Variants in PLPP4 observed in about 807,000 individuals in gnomAD.
PLPP4 encodes the protein diacylglycerol pyrophosphate like 2.
A neutral mutation model predicts 32.2 loss-of-function variants in PLPP4; 20 were observed. That is an observed-to-expected ratio of 0.62 (90% CI 0.44 to 0.90). The LOEUF is 0.90. Ranked by LOEUF, PLPP4 falls within the 40% of genes least tolerant of loss-of-function variation. The pLI is 0.00. For missense variants in PLPP4, 257 were observed against 353.1 expected (o/e 0.73, Z 2.18); for synonymous variants, 127 against 133.0 (o/e 0.95, Z 0.31).
At chr10:120,500,828 T>G (rs1034900676) in intron 1 of PLPP4, among the ~76,000 whole-genome samples, 3 of 152,144 alleles carry the variant, frequency 2.0e-5, no homozygotes, top group Non-Finnish European at 4.4e-5. Flanking sequence ...ACAAACAAGA[T>G]CATTGACCAG....
At chr10:120,502,655 C>G (rs1251012533) in intron 1 of PLPP4, among the ~76,000 whole-genome samples, 3 of 152,176 alleles carry the variant, frequency 2.0e-5, no homozygotes, top group African/African-American at 7.2e-5. Flanking sequence ...ACAGCACATG[C>G]TCATACAACG....
intron 4 of PLPP4, among the ~76,000 whole-genome samples, chr10:120,519,353 T>C (rs1846059939): frequency 6.6e-6 from 1 of 152,096 alleles, no homozygotes; most frequent in Non-Finnish European, 1.5e-5. Context: ...TTTCCTTCTC[T>C]TCTGACTGCT....
Position 120,575,154 on chromosome 10 carries a change from AC to A in PLPP4, c.470del (p.Thr157ArgfsTer34). 1 of 1,613,642 alleles carries A rather than the reference AC, an allele frequency of 6.2e-7. No homozygotes were observed. Among genetic ancestry groups the A allele is most frequent in the African/African-American group, 1.3e-5 (1 of 75,006 alleles). On this transcript the variant is annotated frameshift_variant, in exon 6 of 7. Coordinates refer to ENST00000398250, the MANE Select transcript of PLPP4 (RefSeq NM_001030059.3). LOFTEE classifies it high-confidence loss of function. ...AGTTGCCTTTTCGGGCCTTGGCTTC[AC>A]GACGTTCTACTTGGCGGGCAAGCTG... Reference protein sequence around the residue: ...SSFAFSGLGFTTFYLAGKLHC... With the variant: ...SSFAFSGLGFXTFYLAGKLHC...
chr10:120,482,681 G>T (rs1211813746), intron 1 of PLPP4, among the ~76,000 whole-genome samples: 1 of 151,900 alleles, frequency 6.6e-6, no homozygotes, highest in African/African-American at 2.4e-5. Context: ...GAGGCGGGCA[G>T]ATCACGAGGT....
intron 6 of PLPP4, among the ~76,000 whole-genome samples, chr10:120,584,941 G>A (rs1849685369): frequency 6.6e-6 from 1 of 152,214 alleles, no homozygotes; most frequent in Non-Finnish European, 1.5e-5. Flanking sequence ...TGCTATGTCA[G>A]TAAATCTGGG....
chr10:120,533,483 T>G (rs1009593531), intron 5 of PLPP4, among the ~76,000 whole-genome samples: 1 of 152,182 alleles, frequency 6.6e-6, no homozygotes. Flanking sequence ...TTTACTCTCA[T>G]GATAGTATTG....
chr10:120,494,604 C>T (rs1045736488), intron 1 of PLPP4, among the ~76,000 whole-genome samples: 2 of 152,280 alleles, frequency 1.3e-5, no homozygotes, highest in East Asian at 1.9e-4. Flanking sequence ...GTGGTAATTC[C>T]GGGAGCTGTT....
chr10:120,538,052 C>CTCTCTCTG (rs1847142984), intron 5 of PLPP4, among the ~76,000 whole-genome samples: 1 of 18,994 alleles, frequency 5.3e-5, no homozygotes, highest in African/African-American at 2.5e-4. Flanking sequence ...CTCTCTCTCT[C>CTCTCTCTG]TGTGTGTGTG....
At position 120,521,011 on chromosome 10, in the gene PLPP4, G is replaced by A. The variant is rs781103999; in HGVS notation, c.361G>A (p.Val121Met). The A allele has an allele frequency of 3.0e-5, 48 of 1,614,118 alleles. No individual in the cohort carries two copies. The East Asian group carries it at 3.3e-4, about 11-fold the overall frequency. ...CTTTTACCGCTGCTTTCCAGATGGA[G>A]TGATGAACTCGGAAATGCATTGCAC... ...DFFYRCFPDG[V>M]MNSEMHCTGD... The change falls in exon 5 of 7, where the codon GTG (valine) becomes ATG (methionine). Residue 121 changes from valine (V) to methionine (M), a missense_variant. By Grantham distance (21) the Val-to-Met change is conservative. Coordinates refer to ENST00000398250, the MANE Select transcript of PLPP4 (RefSeq NM_001030059.3).
intron 1 of PLPP4, among the ~76,000 whole-genome samples, chr10:120,464,155 T>C (rs1848207453): frequency 6.6e-6 from 1 of 152,218 alleles, no homozygotes; most frequent in Non-Finnish European, 1.5e-5. Flanking sequence ...AGAAAGTATT[T>C]ATCCATCTTC....
intron 5 of PLPP4, among the ~76,000 whole-genome samples, chr10:120,542,632 G>A (rs569276299): frequency 6.6e-6 from 1 of 152,282 alleles, no homozygotes; most frequent in Non-Finnish European, 1.5e-5. Context: ...CCCCACATGT[G>A]TAAACCTCAG....
At position 120,591,385 on chromosome 10, in the gene PLPP4, C is replaced by CATTG. The variant is rs1424471138; in HGVS notation, c.*1887_*1890dup. Among the ~76,000 whole-genome samples the CATTG allele has an allele frequency of 3.9e-5, 6 of 152,058 alleles. No individual in the cohort carries two copies. The highest frequency in any genetic ancestry group is 1.4e-4 in the African/African-American group (6 of 41,382). ...AATTGACTTTCATCCAAAGTCAAGCCATTGATTTTTTAAAAATTATAGCAG... is the reference window on the plus strand; with the variant it reads ...AATTGACTTTCATCCAAAGTCAAGCCATTGATTGATTTTTTAAAAATTATAGCAG... On this transcript the variant is annotated 3_prime_UTR_variant, in exon 7 of 7. Transcript: ENST00000398250.
At chr10:120,525,480 C>A (rs562919340) in intron 5 of PLPP4, among the ~76,000 whole-genome samples, 2 of 152,094 alleles carry the variant, frequency 1.3e-5, no homozygotes, top group African/African-American at 2.4e-5. Context: ...GAGTTCTTTC[C>A]GTTAGGTATG....
At chr10:120,585,871 C>G (rs959953570) in intron 6 of PLPP4, among the ~76,000 whole-genome samples, 2 of 152,178 alleles carry the variant, frequency 1.3e-5, no homozygotes, top group African/African-American at 4.8e-5. Context: ...CTGCTGTCCT[C>G]CAATCCCCCC....
intron 6 of PLPP4, among the ~76,000 whole-genome samples, chr10:120,587,905 C>T (rs752142998): frequency 3.9e-5 from 6 of 152,224 alleles, no homozygotes; most frequent in African/African-American, 1.4e-4. Flanking sequence ...TTGCCTCCTA[C>T]CTGAATGCAG....
intron 2 of PLPP4, among the ~76,000 whole-genome samples, chr10:120,509,962 G>C (rs1845660269): frequency 6.6e-6 from 1 of 152,230 alleles, no homozygotes; most frequent in Non-Finnish European, 1.5e-5. Context: ...GCCTAATTTA[G>C]ATGGTCTGGG....
intron 6 of PLPP4, among the ~76,000 whole-genome samples, chr10:120,586,280 C>T (rs1281268379): frequency 6.0e-5 from 9 of 149,686 alleles, no homozygotes; most frequent in Admixed American, 5.4e-4. Flanking sequence ...GATTAAGGCA[C>T]ATGCCAACAC....
At chr10:120,574,154 ACACACACACACACACTCTCT>A (rs1849074440) in intron 5 of PLPP4, among the ~76,000 whole-genome samples, 7 of 119,928 alleles carry the variant, frequency 5.8e-5, no homozygotes, top group African/African-American at 2.6e-4. Context: ...ACACACACAC[ACACACACACACACACTCTCT>A]CTCTCTCTCT....
At chr10:120,546,539 A>G (rs114825889) in intron 5 of PLPP4, among the ~76,000 whole-genome samples, 229 of 152,170 alleles carry the variant, frequency 1.5e-3, no homozygotes, top group African/African-American at 5.3e-3. Context: ...TCTCCTACCC[A>G]TTTGAGAAGA....
Sources: allele counts gnomAD v4.1 joint callset (sites outside exome capture counted in the v4.1 genomes callset), GRCh38; gene constraint gnomAD v4.1.1; transcripts MANE v1.5; gene names NCBI Gene and HGNC (gene_info 2026-07-23, HGNC 2026-07-21).